Variants in MAGI1 observed in about 807,000 individuals in gnomAD.
The protein encoded by MAGI1 is membrane-associated guanylate kinase, WW and PDZ domain-containing protein 1.
MAGI1 carries 58 observed loss-of-function variants against 139.9 expected under a neutral mutation model. The ratio of observed to expected loss-of-function variants is 0.41; its 90% CI spans 0.34 to 0.52. The LOEUF (loss-of-function observed/expected upper bound fraction) is 0.52. Among genes scored for constraint, MAGI1 ranks in the 20% least tolerant of loss-of-function variants. MAGI1 has a pLI of 0.12. For missense variants in MAGI1, 1,874 were observed against 1,901.6 expected (o/e 0.99, Z 0.27); for synonymous variants, 812 against 737.9 (o/e 1.10, Z -1.63).
At chr3:65,538,933 C>T (rs555562818) in intron 2 of MAGI1, among the ~76,000 whole-genome samples, 1 of 151,894 alleles carries the variant, frequency 6.6e-6, no homozygotes, top group Non-Finnish European at 1.5e-5. Flanking sequence ...TACCAACTAC[C>T]GTCAACCACA....
chr3:65,488,140 A>G (rs1431356802), intron 3 of MAGI1, among the ~76,000 whole-genome samples: 1 of 151,722 alleles, frequency 6.6e-6, no homozygotes, highest in African/African-American at 2.4e-5. Flanking sequence ...TCATCATCAC[A>G]TCGTTCTCTG....
chr3:65,778,093 C>G (rs924041381), intron 1 of MAGI1, among the ~76,000 whole-genome samples: 13 of 152,140 alleles, frequency 8.5e-5, no homozygotes, highest in African/African-American at 3.1e-4. Flanking sequence ...CCATGTGATA[C>G]ACAGTTTACA....
chr3:65,557,922 C>T (rs1233772705), intron 2 of MAGI1, among the ~76,000 whole-genome samples: 1 of 152,114 alleles, frequency 6.6e-6, no homozygotes, highest in Non-Finnish European at 1.5e-5. Context: ...GAGAGGTCCC[C>T]CAACCATGGC....
intron 2 of MAGI1, among the ~76,000 whole-genome samples, chr3:65,503,485 T>C (rs2077163171): frequency 6.6e-6 from 1 of 152,198 alleles, no homozygotes; most frequent in Non-Finnish European, 1.5e-5. Flanking sequence ...ATTTTTTCTA[T>C]CCCAGATCTC....
At chr3:65,478,847 G>GTT (rs11409972) in intron 3 of MAGI1, 49 bp from the exon 4 acceptor site, 4,382 of 1,325,728 alleles carry the variant, frequency 3.3e-3, no homozygotes, top group Non-Finnish European at 3.9e-3. Context: ...AATACTTTGT[G>GTT]TTTTTTTTTA....
intron 2 of MAGI1, among the ~76,000 whole-genome samples, chr3:65,557,813 C>T (rs1439986708): frequency 6.6e-6 from 1 of 152,174 alleles, no homozygotes; most frequent in Non-Finnish European, 1.5e-5. Flanking sequence ...GACTTCCCTT[C>T]AATCACTGAA....
At chr3:65,907,026 T>A (rs1194785333) in intron 1 of MAGI1, among the ~76,000 whole-genome samples, 1 of 150,076 alleles carries the variant, frequency 6.7e-6, no homozygotes, top group Admixed American at 6.7e-5. Flanking sequence ...ATCCACAAAT[T>A]CAGTGAGAAA....
intron 16 of MAGI1, among the ~76,000 whole-genome samples, chr3:65,381,204 C>T (rs892282027): frequency 3.1e-4 from 47 of 152,126 alleles, no homozygotes; most frequent in Non-Finnish European, 3.4e-4. Flanking sequence ...GATTCTGATA[C>T]AGCAGTAAAC....
intron 2 of MAGI1, among the ~76,000 whole-genome samples, chr3:65,559,087 A>G (rs952992070): frequency 4.6e-5 from 7 of 152,232 alleles, no homozygotes; most frequent in Admixed American, 3.9e-4. Flanking sequence ...ACAACAAAGA[A>G]GACAAAAGAA....
At chr3:65,832,647 T>C (rs1235367491) in intron 1 of MAGI1, among the ~76,000 whole-genome samples, 1 of 152,090 alleles carries the variant, frequency 6.6e-6, no homozygotes, top group Admixed American at 6.6e-5. Flanking sequence ...CATTCATTTT[T>C]CTGACCATCT....
intron 1 of MAGI1, among the ~76,000 whole-genome samples, chr3:65,829,506 G>C (rs552494884): frequency 4.6e-5 from 7 of 152,268 alleles, no homozygotes; most frequent in African/African-American, 1.4e-4. Flanking sequence ...CTATGACGAA[G>C]AAGACCTCCC....
intron 5 of MAGI1, among the ~76,000 whole-genome samples, chr3:65,458,326 A>C (rs1949536514): frequency 1.3e-5 from 2 of 151,326 alleles, no homozygotes; most frequent in Non-Finnish European, 2.9e-5. Context: ...TAGCTGGATC[A>C]TGTGATAGCT....
intron 1 of MAGI1, among the ~76,000 whole-genome samples, chr3:65,893,596 A>G (rs186757723): frequency 1.3e-5 from 2 of 152,336 alleles, no homozygotes; most frequent in South Asian, 2.1e-4. Context: ...TTAAGAAAAC[A>G]GACACAAAGA....
chr3:65,381,858 G>A lies in MAGI1; in HGVS notation c.2701+19C>T, dbSNP rs778658055. The A allele has an allele frequency of 6.3e-7, 1 of 1,593,032 alleles. No homozygotes were observed. The highest frequency in any genetic ancestry group is 8.6e-7 in the Non-Finnish European group (1 of 1,169,348). On this transcript the variant is annotated intron_variant, in intron 16 of 22. Coordinates refer to ENST00000402939, the MANE Select transcript of MAGI1 (RefSeq NM_001033057.2). ...TAAAGTGACAACGCACTGTCTGAAG[G>A]AATGAATGAAATACATACCCGCAAA... is the stretch of plus-strand genomic sequence containing the variant.
chr3:65,590,297 A>C (rs1188550047), intron 2 of MAGI1, among the ~76,000 whole-genome samples: 1 of 152,166 alleles, frequency 6.6e-6, no homozygotes, highest in East Asian at 1.9e-4. Context: ...TATTTTGTAC[A>C]TCTTTGTATC....
intron 1 of MAGI1, among the ~76,000 whole-genome samples, chr3:66,025,366 C>T (rs1320801459): frequency 7.0e-6 from 1 of 143,816 alleles, no homozygotes; most frequent in East Asian, 1.9e-4. Flanking sequence ...CAGTGAAACC[C>T]TGTCTCTACC....
chr3:65,830,959 C>T (rs974029606), intron 1 of MAGI1, among the ~76,000 whole-genome samples: 3 of 152,124 alleles, frequency 2.0e-5, no homozygotes, highest in Non-Finnish European at 4.4e-5. Flanking sequence ...AAAATGTAAA[C>T]TCATTTAGAC....
chr3:65,856,528 T>C (rs1035241419), intron 1 of MAGI1, among the ~76,000 whole-genome samples: 1 of 152,186 alleles, frequency 6.6e-6, no homozygotes. Context: ...CTGTGTTCTT[T>C]CCTCACAGCC....
intron 1 of MAGI1, among the ~76,000 whole-genome samples, chr3:65,689,489 C>A (rs571154199): frequency 1.3e-5 from 2 of 152,282 alleles, no homozygotes; most frequent in East Asian, 1.9e-4. Context: ...AAATAAAAAA[C>A]CACTCCAATC....
Sources: gnomAD v4.1 joint callset for allele counts (sites outside exome capture counted in the v4.1 genomes callset) on GRCh38, gnomAD v4.1.1 for gene constraint, MANE v1.5 for transcripts, NCBI Gene and HGNC (gene_info 2026-07-23, HGNC 2026-07-21) for gene names.